ARFGAP3: variants seen among roughly 807,000 people sequenced by gnomAD.
The protein encoded by ARFGAP3 is ARF GTPase activating protein 3.
Under a neutral mutation model 75.0 loss-of-function variants are expected in ARFGAP3, and 72 were observed. That is an observed-to-expected ratio of 0.96 (90% CI 0.79 to 1.17). ARFGAP3 has a LOEUF of 1.17. ARFGAP3 is among the 50% of genes most tolerant of loss of function. ARFGAP3 has a pLI of 0.00. For synonymous variants in ARFGAP3, 221 were observed against 217.9 expected, an observed-to-expected ratio of 1.01 and a Z score of -0.13; for missense variants, 620 against 626.6, an observed-to-expected ratio of 0.99 and a Z score of 0.11.
At position 42,803,457 on chromosome 22, in the gene ARFGAP3, G is replaced by A. The variant is rs571918609; in HGVS notation, c.1411+3616C>T. Among the ~76,000 whole-genome samples, 29 of 152,336 alleles carry A rather than the reference G, an allele frequency of 1.9e-4. 2 individuals are homozygous for A. In the South Asian group the frequency reaches 5.8e-3, roughly 31 times the overall value. ...CAGGTGTCTGCACTCCCATGCAGAC[G>A]TGCTCTCATTCAAACAATCAGAATT... is the stretch of plus-strand genomic sequence containing the variant. On this transcript the variant is annotated intron_variant, in intron 14 of 15. Transcript: ENST00000263245.
intron 2 of ARFGAP3, 110 bp from the exon 3 acceptor site, chr22:42,841,126 A>T: frequency 1.4e-6 from 2 of 1,474,944 alleles, no homozygotes; most frequent in Non-Finnish European, 1.8e-6. Context: ...AAAGAATTCT[A>T]AGTTTGTGTC....
At chr22:42,846,038 C>CAAAAAAA (rs60266541) in intron 2 of ARFGAP3, among the ~76,000 whole-genome samples, 5 of 88,080 alleles carry the variant, frequency 5.7e-5, no homozygotes, top group Non-Finnish European at 6.6e-5. Context: ...AACTCCATCT[C>CAAAAAAA]AAAAAAAAAA....
chr22:42,851,465 C>G (rs1927273713), intron 1 of ARFGAP3, among the ~76,000 whole-genome samples: 1 of 152,166 alleles, frequency 6.6e-6, no homozygotes, highest in Non-Finnish European at 1.5e-5. Flanking sequence ...GAGGGGGGGG[C>G]CATGTCTACC....
intron 6 of ARFGAP3, among the ~76,000 whole-genome samples, chr22:42,828,481 G>A (rs141543318): frequency 0.024 from 3,594 of 151,746 alleles, 141 homozygotes; most frequent in African/African-American, 0.084. Context: ...GCTTGAACCC[G>A]GGATGCAGAG....
Position 42,847,547 on chromosome 22 carries a change from T to C in ARFGAP3, c.155A>G (p.His52Arg), listed in dbSNP as rs1374805310. The change falls in exon 2 of 16, where the codon CAC (histidine) becomes CGC (arginine). Residue 52 changes from histidine (H) to arginine (R), a missense_variant. Coordinates refer to ENST00000263245, the MANE Select transcript of ARFGAP3 (RefSeq NM_014570.5). ...VFLCIDCSGSHRSLGVHLSFI... is the reference protein window; with the variant it reads ...VFLCIDCSGSRRSLGVHLSFI... Reference sequence around the variant, plus strand: ...ACTCAAGTGAACACCAAGTGACCGGTGGGACCCTGAGCAATCAATGCAAAG... The same window carrying C: ...ACTCAAGTGAACACCAAGTGACCGGCGGGACCCTGAGCAATCAATGCAAAG... 6.2e-7 allele frequency: 1 copy of C among 1,613,774 alleles called. No homozygotes were observed. Among genetic ancestry groups the C allele is most frequent in the East Asian group, 2.2e-5 (1 of 44,876 alleles).
chr22:42,803,012 T>C (rs1214859983), intron 14 of ARFGAP3, among the ~76,000 whole-genome samples: 2 of 152,122 alleles, frequency 1.3e-5, no homozygotes, highest in African/African-American at 4.8e-5. Flanking sequence ...CATTGTTTGT[T>C]TGAGACAGGG....
At chr22:42,817,049 T>C in intron 11 of ARFGAP3, 93 bp downstream of exon 11, 1 of 922,162 alleles carries the variant, frequency 1.1e-6, no homozygotes, top group Non-Finnish European at 1.7e-6. Flanking sequence ...AGTAAATTGA[T>C]TTGTAATTTC....
intron 3 of ARFGAP3, 78 bp from the exon 4 acceptor site, chr22:42,835,571 C>G: frequency 6.4e-7 from 1 of 1,554,290 alleles, no homozygotes. Flanking sequence ...CCTGTAATCC[C>G]AGCACTCTGG....
intron 3 of ARFGAP3, 76 bp from the exon 4 acceptor site, chr22:42,835,569 C>T (rs1329589860): frequency 4.5e-6 from 7 of 1,555,466 alleles, no homozygotes; most frequent in Non-Finnish European, 6.1e-6. Flanking sequence ...TGCCTGTAAT[C>T]CCAGCACTCT....
At chr22:42,797,632 C>G (rs896958204) in intron 15 of ARFGAP3, 27 bp from the exon 16 acceptor site, 1 of 1,613,932 alleles carries the variant, frequency 6.2e-7, no homozygotes, top group Middle Eastern at 1.7e-4. Flanking sequence ...AATGGAAGTT[C>G]ACGACCATTC....
chr22:42,844,965 G>A (rs148368213), intron 2 of ARFGAP3, among the ~76,000 whole-genome samples: 1 of 151,852 alleles, frequency 6.6e-6, no homozygotes, highest in Non-Finnish European at 1.5e-5. Flanking sequence ...CTGCTGTACT[G>A]CCCCTCAGGC....
At chr22:42,831,776 T>A (rs1315514621) in intron 5 of ARFGAP3, 140 bp from the exon 6 acceptor site, 10 of 1,450,040 alleles carry the variant, frequency 6.9e-6, no homozygotes, top group Non-Finnish European at 9.1e-6. Flanking sequence ...CATATCTACT[T>A]TTTTCTTGCT....
At chr22:42,855,592 A>G (rs1927460192) in intron 1 of ARFGAP3, among the ~76,000 whole-genome samples, 2 of 152,108 alleles carry the variant, frequency 1.3e-5, no homozygotes, top group African/African-American at 4.8e-5. Context: ...AGGCTGAGGC[A>G]GAATTGCTCA....
chr22:42,816,287 T>C (rs184498380), intron 11 of ARFGAP3, among the ~76,000 whole-genome samples: 2 of 152,338 alleles, frequency 1.3e-5, no homozygotes, highest in African/African-American at 4.8e-5. Flanking sequence ...TAGGTATTAC[T>C]AGGGTCCCTA....
rs141767522 is a variant in ARFGAP3, at chr22:42,849,028, T to C, written c.70-1396A>G. Among the ~76,000 whole-genome samples the C allele has an allele frequency of 7.1e-3, 1,088 of 152,268 alleles. 8 individuals carry two copies. The highest frequency in any genetic ancestry group is 0.015 in the South Asian group (74 of 4,822). On this transcript the variant is annotated intron_variant, in intron 1 of 15. Coordinates refer to ENST00000263245, the MANE Select transcript of ARFGAP3 (RefSeq NM_014570.5). ...GTGCCATGTCTTGAGGACACTCAGG[T>C]TGCCCTGTGGAGAGGGTGAAGTGCT...
At chr22:42,836,295 A>G (rs898002183) in intron 3 of ARFGAP3, among the ~76,000 whole-genome samples, 1 of 151,810 alleles carries the variant, frequency 6.6e-6, no homozygotes, top group African/African-American at 2.4e-5. Flanking sequence ...GTTTTTTGAG[A>G]TGGTCTGACT....
chr22:42,855,512 C>G (rs945982914), intron 1 of ARFGAP3, among the ~76,000 whole-genome samples: 1 of 151,786 alleles, frequency 6.6e-6, no homozygotes, highest in Non-Finnish European at 1.5e-5. Context: ...ATGGTGAAAC[C>G]TCGTCTCTAC....
intron 7 of ARFGAP3, among the ~76,000 whole-genome samples, chr22:42,826,570 G>A (rs1926047919): frequency 6.6e-6 from 1 of 151,782 alleles, no homozygotes; most frequent in African/African-American, 2.4e-5. Flanking sequence ...TGTTGTTGTT[G>A]TTGTTGTTTT....
chr22:42,839,522 C>T lies in ARFGAP3; in HGVS notation c.261+1422G>A, dbSNP rs937568191. On this transcript the variant is annotated intron_variant, in intron 3 of 15. Coordinates refer to ENST00000263245, the MANE Select transcript of ARFGAP3 (RefSeq NM_014570.5). ...CTGAGGCAGGAGAATCTCTTGAACC[C>T]GGGAGGTGGAGGTTGCAGTGAGCTG... Among the ~76,000 whole-genome samples, 13 of 147,516 alleles carry T rather than the reference C, an allele frequency of 8.8e-5. No individual in the cohort carries two copies. In the South Asian group the frequency reaches 1.7e-3, roughly 20 times the overall value.
Sources: allele counts gnomAD v4.1 joint callset (sites outside exome capture counted in the v4.1 genomes callset), GRCh38; gene constraint gnomAD v4.1.1; transcripts MANE v1.5; gene names NCBI Gene and HGNC (gene_info 2026-07-23, HGNC 2026-07-21).